WASL: variants seen among roughly 807,000 people sequenced by gnomAD.
The protein encoded by WASL is actin nucleation-promoting factor WASL.
Under a neutral mutation model 55.5 loss-of-function variants are expected in WASL, and 20 were observed. The ratio of observed to expected loss-of-function variants is 0.36; its 90% CI spans 0.25 to 0.52. The LOEUF (loss-of-function observed/expected upper bound fraction) is 0.52. Among genes scored for constraint, WASL ranks in the 20% least tolerant of loss-of-function variants. The pLI, the probability that WASL is intolerant of heterozygous loss-of-function variation, is 0.92. For missense variants in WASL, 504 were observed against 622.5 expected, an observed-to-expected ratio of 0.81 and a Z score of 2.03; for synonymous variants, 249 against 217.6, an observed-to-expected ratio of 1.14 and a Z score of -1.27.
chr7:123,689,000 CTCTCTG>C (rs754270007), intron 10 of WASL, 36 bp downstream of exon 10: 23 of 1,446,112 alleles, frequency 1.6e-5, no homozygotes, highest in Non-Finnish European at 1.9e-5. Flanking sequence ...CACGCACACT[CTCTCTG>C]TCTCTCTCTC....
chr7:123,718,823 T>G (rs1366344336), intron 1 of WASL, among the ~76,000 whole-genome samples: 2 of 152,254 alleles, frequency 1.3e-5, no homozygotes, highest in Non-Finnish European at 1.5e-5. Flanking sequence ...GTTAGAAAAT[T>G]TTAAATAGTT....
intron 1 of WASL, among the ~76,000 whole-genome samples, chr7:123,716,056 A>G (rs1803835309): frequency 6.6e-6 from 1 of 152,134 alleles, no homozygotes; most frequent in Non-Finnish European, 1.5e-5. Context: ...GATCTACTTA[A>G]AAGGAGTTTT....
chr7:123,741,582 C>T (rs1163982067), intron 1 of WASL, among the ~76,000 whole-genome samples: 3 of 152,102 alleles, frequency 2.0e-5, no homozygotes, highest in Non-Finnish European at 4.4e-5. Flanking sequence ...AAGTTCAACC[C>T]TTATCTGCTC....
intron 4 of WASL, among the ~76,000 whole-genome samples, chr7:123,705,602 C>A (rs1439751464): frequency 6.6e-6 from 1 of 152,138 alleles, no homozygotes; most frequent in Non-Finnish European, 1.5e-5. Context: ...CTTTCCTAGT[C>A]ACCCTTCTCC....
intron 1 of WASL, among the ~76,000 whole-genome samples, chr7:123,725,989 A>T (rs1216636196): frequency 1.3e-5 from 2 of 152,222 alleles, no homozygotes; most frequent in Admixed American, 6.5e-5. Flanking sequence ...GTTCACTGTT[A>T]AATATTACCT....
intron 1 of WASL, among the ~76,000 whole-genome samples, chr7:123,727,349 T>C (rs10230836): frequency 0.016 from 1,230 of 78,910 alleles, 20 homozygotes; most frequent in African/African-American, 0.063. Context: ...AATAAAAATA[T>C]GTGTCACACA....
chr7:123,730,960 C>T (rs2116815458), intron 1 of WASL, among the ~76,000 whole-genome samples: 1 of 152,206 alleles, frequency 6.6e-6, no homozygotes, highest in Non-Finnish European at 1.5e-5. Flanking sequence ...TACCCCCCAC[C>T]CTCAAGTAGG....
intron 1 of WASL, among the ~76,000 whole-genome samples, chr7:123,739,766 CT>C (rs1276449782): frequency 1.3e-5 from 2 of 152,036 alleles, no homozygotes; most frequent in Non-Finnish European, 1.5e-5. Context: ...TGATAAGCTG[CT>C]TGTTTCTGAC....
Position 123,695,929 on chromosome 7 carries a change from A to G in WASL, c.630-64T>C. 6 of 1,509,902 alleles carry G rather than the reference A, an allele frequency of 4.0e-6. No homozygotes were observed. In the African/African-American group the frequency reaches 6.9e-5, roughly 17 times the overall value. The allele number at this position is 1,509,902 out of a possible 1,614,324, so 93.5% of individuals were successfully genotyped here. On this transcript the variant is annotated intron_variant, in intron 6 of 10. Transcript: ENST00000223023. ...GCATAAAGGGCATTATAAACACAATATATATGAAACCCAATCTACATTTGG... is the reference window on the plus strand; with the variant it reads ...GCATAAAGGGCATTATAAACACAATGTATATGAAACCCAATCTACATTTGG...
chr7:123,743,061 G>A (rs1489765250), intron 1 of WASL, among the ~76,000 whole-genome samples: 1 of 152,162 alleles, frequency 6.6e-6, no homozygotes, highest in Non-Finnish European at 1.5e-5. Flanking sequence ...AAATGGCCAG[G>A]CACAGTGGCT....
chr7:123,711,984 A>G (rs1297131195), intron 1 of WASL, among the ~76,000 whole-genome samples: 3 of 152,166 alleles, frequency 2.0e-5, no homozygotes, highest in Non-Finnish European at 2.9e-5. Context: ...TCTCAGAACT[A>G]TGATGATCAA....
chr7:123,746,423 C>A (rs540209792), intron 1 of WASL, among the ~76,000 whole-genome samples: 1 of 152,274 alleles, frequency 6.6e-6, no homozygotes, highest in East Asian at 1.9e-4. Flanking sequence ...AATCTTACTG[C>A]TGGATTTATT....
In WASL at chr7:123,743,623, C is replaced by T. The variant is rs1804383942; in HGVS notation, c.117+4995G>A. On this transcript the variant is annotated intron_variant, in intron 1 of 10. Coordinates refer to ENST00000223023, the MANE Select transcript of WASL (RefSeq NM_003941.4). ...AAAATTTTACTCTAAATCCTCCCTG[C>T]CAGTAACAGGAAATCTAAACTGAGC... Among the ~76,000 whole-genome samples the T allele has an allele frequency of 1.3e-5, 2 of 152,130 alleles. 1 individual carries two copies. The highest frequency in any genetic ancestry group is 4.1e-4 in the South Asian group (2 of 4,830).
At chr7:123,738,247 A>T (rs1804271569) in intron 1 of WASL, among the ~76,000 whole-genome samples, 4 of 152,214 alleles carry the variant, frequency 2.6e-5, no homozygotes, top group African/African-American at 9.6e-5. Context: ...TAAACATGGA[A>T]ATATATATTT....
chr7:123,733,688 C>T (rs1217460525), intron 1 of WASL, among the ~76,000 whole-genome samples: 2 of 152,006 alleles, frequency 1.3e-5, no homozygotes, highest in African/African-American at 4.8e-5. Context: ...AGAGTAACAT[C>T]AGAGGACTGA....
chr7:123,685,319 C>G (rs1230660391), intron 10 of WASL, among the ~76,000 whole-genome samples: 4 of 151,876 alleles, frequency 2.6e-5, no homozygotes, highest in African/African-American at 9.7e-5. Context: ...GTTATTGTCT[C>G]TCTCTCTCCC....
intron 1 of WASL, among the ~76,000 whole-genome samples, chr7:123,725,837 C>A (rs1804032836): frequency 6.6e-6 from 1 of 152,158 alleles, no homozygotes; most frequent in African/African-American, 2.4e-5. Context: ...GTCCCACTGG[C>A]TTCTGGAAGG....
At chr7:123,703,957 A>G (rs1206412089) in intron 5 of WASL, among the ~76,000 whole-genome samples, 1 of 152,208 alleles carries the variant, frequency 6.6e-6, no homozygotes, top group Non-Finnish European at 1.5e-5. Context: ...CATATTTAGC[A>G]CACAATTTCA....
In WASL at chr7:123,692,865, G is replaced by C; in HGVS notation, c.829C>G (p.Pro277Ala). The change falls in exon 9 of 11, where the codon CCA (proline) becomes GCA (alanine). Residue 277 changes from proline to alanine, a missense_variant and splice_region_variant. Pro to Ala is a conservative substitution (Grantham distance 27, BLOSUM62 -1). Coordinates refer to ENST00000223023, the MANE Select transcript of WASL (RefSeq NM_003941.4). ...AVKNELRRQA[P>A]PPPPPSRGGP... ...CCCCTTGATGGTGGTGGAGGTGGTG[G>C]TGCTGAAATGCAAACAGAAAAAAAG... 7.4e-7 allele frequency: 1 copy of C among 1,349,782 alleles called. No homozygotes were observed. The highest frequency in any genetic ancestry group is 9.6e-7 in the Non-Finnish European group (1 of 1,046,390). The allele number at this position is 1,349,782 out of a possible 1,614,324, so 83.6% of individuals were successfully genotyped here. A position where few individuals can be genotyped will look rare whatever the true frequency, so the allele number is the denominator to read the frequency against.
Sources: allele counts gnomAD v4.1 joint callset (sites outside exome capture counted in the v4.1 genomes callset), GRCh38; gene constraint gnomAD v4.1.1; transcripts MANE v1.5; gene names NCBI Gene and HGNC (gene_info 2026-07-23, HGNC 2026-07-21).